The following RBFOX1 variants were observed in gnomAD, a reference collection of about 807,000 sequenced individuals.
The protein encoded by RBFOX1 is RNA binding fox-1 homolog 1.
Under a neutral mutation model 57.7 loss-of-function variants are expected in RBFOX1, and 8 were observed. The ratio of observed to expected loss-of-function variants is 0.14; its 90% CI spans 0.08 to 0.25. The LOEUF (loss-of-function observed/expected upper bound fraction) is 0.25. Among genes scored for constraint, RBFOX1 ranks in the 10% least tolerant of loss-of-function variants. The pLI is 1.00. For missense variants in RBFOX1, 611 were observed against 548.5 expected, an observed-to-expected ratio of 1.11 and a Z score of -1.14; for synonymous variants, 326 against 222.4, an observed-to-expected ratio of 1.47 and a Z score of -4.15.
chr16:5,966,916 A>G (rs761277110), intron 4 of RBFOX1, among the ~76,000 whole-genome samples: 4 of 144,344 alleles, frequency 2.8e-5, no homozygotes, highest in Non-Finnish European at 4.5e-5. Context: ...TTCTGATTCA[A>G]ATCACTGAAG....
At chr16:6,115,503 G>T (rs1260662418) in intron 1 of RBFOX1, among the ~76,000 whole-genome samples, 1 of 152,168 alleles carries the variant, frequency 6.6e-6, no homozygotes, top group Non-Finnish European at 1.5e-5. Context: ...GGCCCAAGGG[G>T]TGGGCTATAG....
chr16:5,920,295 A>G (rs2058794339), intron 4 of RBFOX1, among the ~76,000 whole-genome samples: 1 of 151,890 alleles, frequency 6.6e-6, no homozygotes, highest in African/African-American at 2.4e-5. Flanking sequence ...ATTCCTTTTT[A>G]TTGTACATTA....
At chr16:5,737,396 G>C (rs1487248402) in intron 3 of RBFOX1, among the ~76,000 whole-genome samples, 1 of 152,112 alleles carries the variant, frequency 6.6e-6, no homozygotes, top group African/African-American at 2.4e-5. Flanking sequence ...TGAGGCAGGA[G>C]AATCTCTTGA....
intron 2 of RBFOX1, among the ~76,000 whole-genome samples, chr16:6,458,707 C>G (rs140822681): frequency 6.6e-6 from 1 of 152,204 alleles, no homozygotes; most frequent in African/African-American, 2.4e-5. Context: ...CAGTGCTATG[C>G]TCATTTGACC....
At chr16:6,051,029 A>G (rs1282757136) in intron 1 of RBFOX1, among the ~76,000 whole-genome samples, 2 of 147,728 alleles carry the variant, frequency 1.4e-5, no homozygotes, top group Non-Finnish European at 3.0e-5. Context: ...TTCATCTTGT[A>G]TATTTGCTAC....
At chr16:7,548,265 G>C (rs1452436382) in intron 5 of RBFOX1, among the ~76,000 whole-genome samples, 1 of 152,066 alleles carries the variant, frequency 6.6e-6, no homozygotes, top group Non-Finnish European at 1.5e-5. Context: ...TCTGACTCCT[G>C]GGTTCACGTG....
intron 3 of RBFOX1, among the ~76,000 whole-genome samples, chr16:6,883,743 C>G (rs1567705346): frequency 1.3e-5 from 2 of 151,748 alleles, no homozygotes; most frequent in Admixed American, 1.3e-4. Context: ...CAAAAGTTTT[C>G]TACAGTTCTT....
chr16:5,667,357 C>T (rs973547454), intron 3 of RBFOX1, among the ~76,000 whole-genome samples: 2 of 152,198 alleles, frequency 1.3e-5, no homozygotes, highest in African/African-American at 4.8e-5. Context: ...TGTGTCCTGT[C>T]ACGTTTGCTC....
Position 6,931,341 on chromosome 16 carries a change from A to ATCTAT in RBFOX1, c.-15-120716_-15-120715insTCTAT, listed in dbSNP as rs201396857. Among the ~76,000 whole-genome samples the ATCTAT allele has an allele frequency of 4.2e-3, 305 of 73,000 alleles. 5 individuals carry two copies. Among genetic ancestry groups the ATCTAT allele is most frequent in the South Asian group, 6.5e-3 (16 of 2,466 alleles). The allele number at this position is 73,000 out of a possible 152,430, so 47.9% of individuals were successfully genotyped here. On this transcript the variant is annotated intron_variant, in intron 3 of 15. Transcript: ENST00000550418. ...TCTATCTATCTATCTATCTATCTCT[A>ATCTAT]CACACACACACACACACACACATAC...
intron 3 of RBFOX1, among the ~76,000 whole-genome samples, chr16:5,758,240 T>C (rs1383232289): frequency 6.6e-6 from 1 of 152,206 alleles, no homozygotes; most frequent in Non-Finnish European, 1.5e-5. Flanking sequence ...TTCTTCACTT[T>C]CTTCATGGGG....
intron 14 of RBFOX1, among the ~76,000 whole-genome samples, chr16:7,682,761 T>C (rs2075092785): frequency 6.6e-6 from 1 of 151,316 alleles, no homozygotes; most frequent in Non-Finnish European, 1.5e-5. Context: ...TGTACATCTA[T>C]ACATATCTAC....
In RBFOX1 at chr16:7,710,959, G is replaced by C. The variant is rs188927964; in HGVS notation, c.*214G>C. The C allele has an allele frequency of 7.2e-6, 4 of 552,780 alleles. No homozygotes were observed. Among genetic ancestry groups the C allele is most frequent in the Non-Finnish European group, 1.1e-5 (4 of 363,632 alleles). 34.2% of individuals were successfully genotyped at this position (552,780 alleles called of 1,614,324 possible). A position where few individuals can be genotyped will look rare whatever the true frequency, so the allele number is the denominator to read the frequency against. ...TGGGTCTTTAATTTCTGAAGGTTCC[G>C]TAGTTTGGTTGCTGGCTGTAGGAGT... On this transcript the variant is annotated 3_prime_UTR_variant, in exon 16 of 16. Transcript: ENST00000550418.
At chr16:5,641,977 G>A (rs1439999760) in intron 3 of RBFOX1, among the ~76,000 whole-genome samples, 2 of 152,200 alleles carry the variant, frequency 1.3e-5, no homozygotes, top group South Asian at 2.1e-4. Context: ...GGTGGGACTC[G>A]TGATTCTGGA....
intron 4 of RBFOX1, among the ~76,000 whole-genome samples, chr16:7,243,365 G>C (rs1318713102): frequency 8.5e-5 from 13 of 152,086 alleles, no homozygotes; most frequent in Admixed American, 7.9e-4. Flanking sequence ...ATGAGATGAA[G>C]AGACATCATG....
At chr16:6,089,065 CAAA>C (rs5815283) in intron 1 of RBFOX1, among the ~76,000 whole-genome samples, 88 of 138,226 alleles carry the variant, frequency 6.4e-4, no homozygotes, top group African/African-American at 1.9e-3. Flanking sequence ...AACTCTGTCT[CAAA>C]AAAAAAAAAA....
chr16:7,665,234 T>A (rs1483420632), intron 13 of RBFOX1, among the ~76,000 whole-genome samples: 1 of 152,192 alleles, frequency 6.6e-6, no homozygotes, highest in East Asian at 1.9e-4. Flanking sequence ...ATTTCTTTCA[T>A]GCCAACTAAA....
chr16:5,649,307 C>T (rs1398659142), intron 3 of RBFOX1, among the ~76,000 whole-genome samples: 1 of 151,974 alleles, frequency 6.6e-6, no homozygotes, highest in Non-Finnish European at 1.5e-5. Context: ...TAGCTGGGAA[C>T]TACAGGCATG....
At chr16:7,545,546 T>C (rs1255103489) in intron 5 of RBFOX1, among the ~76,000 whole-genome samples, 2 of 152,144 alleles carry the variant, frequency 1.3e-5, no homozygotes, top group Non-Finnish European at 2.9e-5. Flanking sequence ...AGGACTGTGC[T>C]ATTTCTTAGA....
At chr16:6,305,616 G>A (rs1340139890) in intron 1 of RBFOX1, among the ~76,000 whole-genome samples, 2 of 149,732 alleles carry the variant, frequency 1.3e-5, no homozygotes, top group African/African-American at 4.9e-5. Context: ...AGTAGGTACA[G>A]CTTTTTAAAC....
Sources: gnomAD v4.1 joint callset for allele counts (sites outside exome capture counted in the v4.1 genomes callset) on GRCh38, gnomAD v4.1.1 for gene constraint, MANE v1.5 for transcripts, NCBI Gene and HGNC (gene_info 2026-07-23, HGNC 2026-07-21) for gene names.